The following PRELID2 variants were observed in gnomAD, a reference collection of about 807,000 sequenced individuals.
PRELID2 encodes the protein PRELI domain-containing protein 2.
In PRELID2, 25 loss-of-function variants were observed where a neutral mutation model predicts 28.4. The observed-to-expected ratio is 0.88, with a 90% confidence interval of 0.64 to 1.23. PRELID2 has a LOEUF of 1.23. PRELID2 is among the 50% of genes most tolerant of loss of function. The probability of loss-of-function intolerance (pLI) is 0.00; values close to 1 mark genes in which losing one functional copy is unlikely to be tolerated. For synonymous variants in PRELID2, 76 were observed against 71.6 expected (o/e 1.06, Z -0.31); for missense variants, 201 against 214.4 (o/e 0.94, Z 0.39).
intron 1 of PRELID2, among the ~76,000 whole-genome samples, chr5:145,713,833 C>T (rs889483969): frequency 1.3e-5 from 2 of 149,004 alleles, no homozygotes; most frequent in Non-Finnish European, 3.0e-5. Flanking sequence ...TATATATATG[C>T]CAGAAGACAA....
chr5:145,506,874 A>G (rs1752417033), intron 1 of PRELID2, among the ~76,000 whole-genome samples: 1 of 152,102 alleles, frequency 6.6e-6, no homozygotes, highest in African/African-American at 2.4e-5. Flanking sequence ...GCCCTCTATG[A>G]CCACCTGTGC....
chr5:145,719,519 G>GAC (rs1042625368), intron 1 of PRELID2, among the ~76,000 whole-genome samples: 2 of 150,406 alleles, frequency 1.3e-5, no homozygotes, highest in African/African-American at 4.9e-5. Context: ...GAGAGAGAGA[G>GAC]GGAATACATA....
intron 1 of PRELID2, among the ~76,000 whole-genome samples, chr5:145,528,335 T>TAGG (rs1172509649): frequency 5.3e-5 from 8 of 152,114 alleles, no homozygotes; most frequent in Non-Finnish European, 1.2e-4. Flanking sequence ...AGTCCTAGGC[T>TAGG]CACTATAGAT....
the PRELID2 span, among the ~76,000 whole-genome samples, chr5:145,459,322 T>A: frequency 2.0e-5 from 3 of 152,202 alleles, no homozygotes; most frequent in Non-Finnish European, 4.4e-5. Flanking sequence ...TGCTACATCA[T>A]AACTGAACCC....
intron 1 of PRELID2, among the ~76,000 whole-genome samples, chr5:145,695,243 T>C (rs1755234316): frequency 6.6e-6 from 1 of 152,088 alleles, no homozygotes; most frequent in Non-Finnish European, 1.5e-5. Flanking sequence ...TGCCAAGACC[T>C]GAAAGATGAG....
At chr5:145,782,337 C>T (rs974456010) in intron 5 of PRELID2, among the ~76,000 whole-genome samples, 3 of 152,208 alleles carry the variant, frequency 2.0e-5, no homozygotes, top group Non-Finnish European at 4.4e-5. Context: ...AGCTCTGCCA[C>T]TTACTGGCTG....
chr5:145,665,242 TC>T (rs1754565359), intron 1 of PRELID2, among the ~76,000 whole-genome samples: 1 of 152,108 alleles, frequency 6.6e-6, no homozygotes, highest in Non-Finnish European at 1.5e-5. Context: ...GGCATCCATA[TC>T]AACTACTTAC....
chr5:145,331,481 T>C, the PRELID2 span, among the ~76,000 whole-genome samples: 1 of 152,214 alleles, frequency 6.6e-6, no homozygotes, highest in Non-Finnish European at 1.5e-5. Flanking sequence ...ATATTTAGTA[T>C]AGTTAGCTCT....
chr5:145,432,863 T>A, the PRELID2 span, among the ~76,000 whole-genome samples: 1 of 152,110 alleles, frequency 6.6e-6, no homozygotes, highest in Admixed American at 6.5e-5. Context: ...AACCCCAAAC[T>A]TTTTCTCTTT....
the PRELID2 span, among the ~76,000 whole-genome samples, chr5:145,354,159 C>A: frequency 3.8e-3 from 572 of 151,730 alleles, 4 homozygotes; most frequent in African/African-American, 0.013. Flanking sequence ...CTGTAATTAC[C>A]ATCCTACCTC....
the PRELID2 span, among the ~76,000 whole-genome samples, chr5:145,373,832 C>T: frequency 2.4e-5 from 2 of 83,876 alleles, no homozygotes; most frequent in African/African-American, 1.0e-4. Context: ...TTATATATTA[C>T]AACATATATA....
the PRELID2 span, among the ~76,000 whole-genome samples, chr5:145,347,075 A>G: frequency 6.6e-6 from 1 of 152,246 alleles, no homozygotes; most frequent in East Asian, 1.9e-4. Context: ...GGAAAAGAGA[A>G]GTTTTCCTTC....
In PRELID2 at chr5:145,642,249, G is replaced by A. The variant is rs1050322574; in HGVS notation, n.70+122682C>T. Among the ~76,000 whole-genome samples the A allele has an allele frequency of 3.3e-4, 50 of 152,116 alleles. No individual in the cohort carries two copies. In the East Asian group the frequency reaches 4.8e-3, roughly 15 times the overall value. On this transcript the variant is annotated intron_variant and non_coding_transcript_variant, in intron 1 of 2. Transcript: ENST00000510259. ...GTATCTCATTGTGGTTTTGATTTGC[G>A]TTTCTCTAATGACCAGTGATGATGA... is the stretch of plus-strand genomic sequence containing the variant.
chr5:145,644,900 T>C lies in PRELID2; in HGVS notation n.70+120031A>G, dbSNP rs192191653. 1.5e-4 allele frequency among the ~76,000 whole-genome samples: 23 copies of C among 152,334 alleles called. No individual in the cohort carries two copies. The East Asian group carries it at 4.1e-3, about 27-fold the overall frequency. ...AGAGACTGTTTGTTATGATTTCTGT[T>C]CTTTTGCATTTGCTGAGGAGTGCCT... On this transcript the variant is annotated intron_variant and non_coding_transcript_variant, in intron 1 of 2. Transcript: ENST00000510259.
the PRELID2 span, among the ~76,000 whole-genome samples, chr5:145,417,413 C>T: frequency 3.3e-5 from 5 of 152,112 alleles, no homozygotes; most frequent in African/African-American, 9.7e-5. Flanking sequence ...CCAGCATCAT[C>T]CTGATACCAA....
intron 1 of PRELID2, among the ~76,000 whole-genome samples, chr5:145,477,941 C>T (rs150296324): frequency 1.3e-5 from 2 of 152,016 alleles, no homozygotes; most frequent in African/African-American, 4.8e-5. Flanking sequence ...AAGGTGAGAA[C>T]AGTCAGTTTG....
intron 1 of PRELID2, among the ~76,000 whole-genome samples, chr5:145,737,871 C>A (rs1407335022): frequency 6.6e-6 from 1 of 152,170 alleles, no homozygotes; most frequent in Non-Finnish European, 1.5e-5. Flanking sequence ...AGGTAATGAG[C>A]CCCACTGGAG....
At chr5:145,826,092 C>G (rs972581991) in intron 1 of PRELID2, 1 of 985,400 alleles carries the variant, frequency 1.0e-6, no homozygotes, top group Non-Finnish European at 1.2e-6. Flanking sequence ...GAATCAGGAT[C>G]ACACCCATCA....
chr5:145,547,965 G>T (rs538362841), intron 1 of PRELID2, among the ~76,000 whole-genome samples: 5 of 152,094 alleles, frequency 3.3e-5, no homozygotes, highest in Non-Finnish European at 1.5e-5. Context: ...AGGAGGCATC[G>T]TAATCAAGGA....
Sources: gnomAD v4.1 joint callset for allele counts (sites outside exome capture counted in the v4.1 genomes callset) on GRCh38, gnomAD v4.1.1 for gene constraint, MANE v1.5 for transcripts, NCBI Gene and HGNC (gene_info 2026-07-23, HGNC 2026-07-21) for gene names.